The following SEC22A variants were observed in gnomAD, a reference collection of about 807,000 sequenced individuals.
SEC22A encodes the protein SEC22 homolog A, vesicle trafficking protein.
Under a neutral mutation model 35.3 loss-of-function variants are expected in SEC22A, and 22 were observed. The observed-to-expected ratio is 0.62, with a 90% CI of 0.45 to 0.89. SEC22A has a LOEUF of 0.89. SEC22A is among the 40% of genes least tolerant of loss of function. The pLI is 0.00. For missense variants in SEC22A, 354 were observed against 362.5 expected (o/e 0.98, Z 0.19); for synonymous variants, 119 against 129.5 (o/e 0.92, Z 0.55).
intron 5 of SEC22A, among the ~76,000 whole-genome samples, chr3:123,258,582 A>G (rs1217466093): frequency 2.0e-5 from 3 of 152,160 alleles, no homozygotes; most frequent in Non-Finnish European, 4.4e-5. Context: ...TCTCACTAGG[A>G]TAAGCCAGCT....
intron 2 of SEC22A, among the ~76,000 whole-genome samples, chr3:123,220,366 T>A (rs1043635666): frequency 8.5e-5 from 13 of 152,208 alleles, no homozygotes; most frequent in African/African-American, 3.1e-4. Context: ...TATATTTGAA[T>A]GCTAATGACA....
At chr3:123,219,266 T>C (rs1183041697) in intron 2 of SEC22A, among the ~76,000 whole-genome samples, 1 of 152,090 alleles carries the variant, frequency 6.6e-6, no homozygotes, top group Non-Finnish European at 1.5e-5. Context: ...CAAAATGAAG[T>C]GGAGTGTTTG....
Position 123,209,379 on chromosome 3 carries a change from A to G in SEC22A, c.162A>G (p.Lys54=). The stretch of plus-strand genomic sequence containing the variant: ...AACTTCCTGATAGATGTACACTGAA[A>G]ACTGGACATTATAACATTAAGTAAG... The part of the protein sequence containing the change: ...LAQLPDRCTL[K]TGHYNINFIS... The change falls in exon 2 of 7, where the codon AAA becomes AAG. Residue 54 remains lysine (K), a synonymous_variant. Coordinates refer to ENST00000492595, the MANE Select transcript of SEC22A (RefSeq NM_012430.5). 1 of 1,613,032 alleles carries G rather than the reference A, an allele frequency of 6.2e-7. No homozygotes were observed. The highest frequency in any genetic ancestry group is 1.3e-5 in the African/African-American group (1 of 75,040).
At chr3:123,254,900 C>G (rs1172795339) in intron 5 of SEC22A, among the ~76,000 whole-genome samples, 1 of 148,056 alleles carries the variant, frequency 6.8e-6, no homozygotes, top group Non-Finnish European at 1.5e-5. Context: ...CACCCCACAA[C>G]AGACCCCAGT....
intron 5 of SEC22A, among the ~76,000 whole-genome samples, chr3:123,249,630 T>C (rs1168321527): frequency 6.6e-6 from 1 of 152,152 alleles, no homozygotes; most frequent in Non-Finnish European, 1.5e-5. Flanking sequence ...GTTCAAGCGA[T>C]TCTCCTGCCT....
At chr3:123,251,108 G>A (rs938808528) in intron 5 of SEC22A, among the ~76,000 whole-genome samples, 1 of 152,058 alleles carries the variant, frequency 6.6e-6, no homozygotes, top group African/African-American at 2.4e-5. Flanking sequence ...TATTTTTGTC[G>A]GGGAGCCTGA....
intron 3 of SEC22A, among the ~76,000 whole-genome samples, chr3:123,224,356 A>C (rs1419311131): frequency 6.6e-6 from 1 of 152,028 alleles, no homozygotes; most frequent in Non-Finnish European, 1.5e-5. Context: ...TATTCAATTT[A>C]TTCTTTAAAA....
At chr3:123,213,520 A>G (rs935280102) in intron 2 of SEC22A, among the ~76,000 whole-genome samples, 2 of 152,204 alleles carry the variant, frequency 1.3e-5, no homozygotes, top group African/African-American at 2.4e-5. Flanking sequence ...TTACTATTTT[A>G]TGTCTCTAAT....
intron 5 of SEC22A, among the ~76,000 whole-genome samples, chr3:123,248,323 G>A (rs1207795467): frequency 6.6e-6 from 1 of 152,172 alleles, no homozygotes; most frequent in Non-Finnish European, 1.5e-5. Context: ...CTCTTTCTAT[G>A]TAGAATATGT....
intron 4 of SEC22A, among the ~76,000 whole-genome samples, chr3:123,234,548 T>C (rs1253145648): frequency 6.6e-6 from 1 of 151,992 alleles, no homozygotes. Context: ...CTAGGACAAC[T>C]AGATACCACA....
At chr3:123,225,058 A>T in intron 3 of SEC22A, 45 bp from the exon 4 acceptor site, 1 of 1,222,716 alleles carries the variant, frequency 8.2e-7, no homozygotes, top group Non-Finnish European at 1.2e-6. Flanking sequence ...TGAAATGATT[A>T]ATTGACAAGT....
At chr3:123,208,630 A>G (rs892073140) in intron 1 of SEC22A, 14 of 152,522 alleles carry the variant, frequency 9.2e-5, no homozygotes, top group African/African-American at 3.1e-4. Context: ...GAGGCATGAG[A>G]ATTGCTTGAA....
intron 2 of SEC22A, 47 bp from the exon 3 acceptor site, chr3:123,223,512 C>T: frequency 6.7e-7 from 1 of 1,489,078 alleles, no homozygotes; most frequent in Non-Finnish European, 9.3e-7. Flanking sequence ...CAGTGAATTA[C>T]CTTGATTTAA....
At chr3:123,219,897 C>T (rs1021842529) in intron 2 of SEC22A, among the ~76,000 whole-genome samples, 8 of 152,096 alleles carry the variant, frequency 5.3e-5, no homozygotes, top group Non-Finnish European at 2.9e-5. Context: ...TCATCACAAA[C>T]ATAAATGGAA....
Position 123,273,671 on chromosome 3 carries a change from G to T in SEC22A, c.*1949G>T, listed in dbSNP as rs1444969769. The stretch of plus-strand genomic sequence containing the variant: ...AAAAATACAAAATTTAGCTGGGTGT[G>T]GTTGCGCGTGCCTTTAGTCCCAGCT... On this transcript the variant is annotated 3_prime_UTR_variant, in exon 7 of 7. Coordinates refer to ENST00000492595, the MANE Select transcript of SEC22A (RefSeq NM_012430.5). 3 of 152,188 alleles carry T rather than the reference G, an allele frequency of 2.0e-5. No individual in the cohort carries two copies. The highest frequency in any genetic ancestry group is 2.9e-5 in the Non-Finnish European group (2 of 68,068). 9.4% of individuals were successfully genotyped at this position (152,188 alleles called of 1,614,324 possible). A position where few individuals can be genotyped will look rare whatever the true frequency, so the allele number is the denominator to read the frequency against.
intron 5 of SEC22A, among the ~76,000 whole-genome samples, chr3:123,258,751 G>A: frequency 6.6e-6 from 1 of 151,568 alleles, no homozygotes; most frequent in Admixed American, 6.6e-5. Context: ...TAAGAAAAGG[G>A]CCAAATTAAT....
chr3:123,221,072 A>G (rs1937114739), intron 2 of SEC22A, among the ~76,000 whole-genome samples: 1 of 151,788 alleles, frequency 6.6e-6, no homozygotes, highest in East Asian at 1.9e-4. Flanking sequence ...GTTAAATTTG[A>G]ATCCTGTGAA....
chr3:123,220,881 C>CATATATATATATATATATAT (rs755724948), intron 2 of SEC22A, among the ~76,000 whole-genome samples: 1 of 93,168 alleles, frequency 1.1e-5, no homozygotes, highest in Non-Finnish European at 2.3e-5. Flanking sequence ...TATATATATA[C>CATATATATATATATATATAT]ATATATATAT....
chr3:123,271,836 T>A lies in SEC22A; in HGVS notation c.*114T>A. On this transcript the variant is annotated 3_prime_UTR_variant, in exon 7 of 7. Coordinates refer to ENST00000492595, the MANE Select transcript of SEC22A (RefSeq NM_012430.5). ...CAGAGGAGAAGCTCTGCTTTCTTTC[T>A]CTCCAACTTTCCTTTTTTAAAATCA... The A allele has an allele frequency of 2.3e-6, 2 of 856,562 alleles. No homozygotes were observed. Among genetic ancestry groups the A allele is most frequent in the South Asian group, 1.7e-5 (1 of 57,622 alleles). 53.1% of individuals were successfully genotyped at this position (856,562 alleles called of 1,614,324 possible). A position where few individuals can be genotyped will look rare whatever the true frequency, so the allele number is the denominator to read the frequency against.
Sources: gnomAD v4.1 joint callset for allele counts (sites outside exome capture counted in the v4.1 genomes callset) on GRCh38, gnomAD v4.1.1 for gene constraint, MANE v1.5 for transcripts, NCBI Gene and HGNC (gene_info 2026-07-23, HGNC 2026-07-21) for gene names.